Variants in EDIL3 observed in about 807,000 individuals in gnomAD.
The protein encoded by EDIL3 is EGF-like repeat and discoidin I-like domain-containing protein 3.
Under a neutral mutation model 67.4 loss-of-function variants are expected in EDIL3, and 37 were observed. The observed-to-expected ratio is 0.55, with a 90% CI of 0.42 to 0.72. EDIL3 has a LOEUF of 0.72. Among genes scored for constraint, EDIL3 ranks in the 30% least tolerant of loss-of-function variants. The pLI, the probability that EDIL3 is intolerant of heterozygous loss-of-function variation, is 0.00. For synonymous variants in EDIL3, 195 were observed against 196.3 expected, an observed-to-expected ratio of 0.99 and a Z score of 0.05; for missense variants, 527 against 586.3, an observed-to-expected ratio of 0.90 and a Z score of 1.04.
At chr5:84,160,279 G>T (rs1305747213) in intron 4 of EDIL3, among the ~76,000 whole-genome samples, 1 of 152,034 alleles carries the variant, frequency 6.6e-6, no homozygotes, top group Non-Finnish European at 1.5e-5. Context: ...CTTCTCAGGG[G>T]ATTATCTCTT....
chr5:84,330,542 CAG>C (rs1459910562), intron 1 of EDIL3, among the ~76,000 whole-genome samples: 2 of 152,124 alleles, frequency 1.3e-5, no homozygotes, highest in African/African-American at 4.8e-5. Flanking sequence ...TCAGCTTGAG[CAG>C]AGTCAATAAA....
At chr5:84,369,316 GA>G (rs1561270890) in intron 1 of EDIL3, among the ~76,000 whole-genome samples, 1 of 151,298 alleles carries the variant, frequency 6.6e-6, no homozygotes, top group Admixed American at 6.6e-5. Context: ...TACCACAAGG[GA>G]ATAGTATACT....
chr5:83,986,469 G>T (rs762015073), intron 9 of EDIL3, among the ~76,000 whole-genome samples: 8 of 152,078 alleles, frequency 5.3e-5, no homozygotes, highest in Non-Finnish European at 1.2e-4. Context: ...TTTTCCATTT[G>T]AAAATCTTGG....
chr5:84,362,318 T>C (rs1388334311), intron 1 of EDIL3, among the ~76,000 whole-genome samples: 1 of 152,108 alleles, frequency 6.6e-6, no homozygotes, highest in Non-Finnish European at 1.5e-5. Context: ...CAGGGAACTA[T>C]TACACCATGT....
At chr5:84,127,327 C>G (rs1054288593) in intron 5 of EDIL3, among the ~76,000 whole-genome samples, 1 of 152,030 alleles carries the variant, frequency 6.6e-6, no homozygotes, top group African/African-American at 2.4e-5. Flanking sequence ...AAGTTGGATA[C>G]TTTATGTTTC....
intron 1 of EDIL3, among the ~76,000 whole-genome samples, chr5:84,375,271 T>A (rs546407939): frequency 1.6e-4 from 24 of 152,260 alleles, no homozygotes; most frequent in Middle Eastern, 3.4e-3. Context: ...CGCCCAGCCT[T>A]CGAGTATTTC....
At position 84,099,670 on chromosome 5, in the gene EDIL3, C is replaced by A. The variant is rs183657643; in HGVS notation, c.651+6979G>T. Among the ~76,000 whole-genome samples, 32 of 152,170 alleles carry A rather than the reference C, an allele frequency of 2.1e-4. No individual in the cohort carries two copies. In the East Asian group the frequency reaches 6.0e-3, roughly 29 times the overall value. On this transcript the variant is annotated intron_variant, in intron 6 of 10. Coordinates refer to ENST00000296591, the MANE Select transcript of EDIL3 (RefSeq NM_005711.5). ...ATACCATTCAGGACATAGGCATGGG[C>A]AAAGACTTCATGACTAAAACAACAA...
intron 1 of EDIL3, among the ~76,000 whole-genome samples, chr5:84,331,426 G>A (rs1368461713): frequency 1.3e-5 from 2 of 152,120 alleles, no homozygotes; most frequent in South Asian, 2.1e-4. Context: ...GAATCATGGG[G>A]GACATTACCC....
rs535192979 is a variant in EDIL3 at position 84,178,400 on chromosome 5, A to G, written c.355+1993T>C. Among the ~76,000 whole-genome samples, 118 of 152,268 alleles carry G rather than the reference A, an allele frequency of 7.7e-4. 1 individual carries two copies. The highest frequency in any genetic ancestry group is 2.7e-3 in the African/African-American group (111 of 41,564). On this transcript the variant is annotated intron_variant, in intron 4 of 10. Coordinates refer to ENST00000296591, the MANE Select transcript of EDIL3 (RefSeq NM_005711.5). The stretch of plus-strand genomic sequence containing the variant: ...GAAAAACAAACCCAGATACCTAGCA[A>G]TCCTTGCAAGAGTTTAAAGAGCTCT...
intron 3 of EDIL3, among the ~76,000 whole-genome samples, chr5:84,222,190 T>C (rs867914398): frequency 2.0e-5 from 3 of 151,968 alleles, no homozygotes; most frequent in African/African-American, 7.2e-5. Context: ...AAATATCTAA[T>C]TACTCTGTTT....
At chr5:84,346,135 C>CTTTTTTTTTTTTT (rs912729041) in intron 1 of EDIL3, among the ~76,000 whole-genome samples, 2 of 122,894 alleles carry the variant, frequency 1.6e-5, no homozygotes, top group African/African-American at 6.2e-5. Context: ...CTTTTTTTTT[C>CTTTTTTTTTTTTT]TTTTTTTTTT....
At chr5:84,221,576 CG>C (rs1744342927) in intron 3 of EDIL3, among the ~76,000 whole-genome samples, 1 of 151,958 alleles carries the variant, frequency 6.6e-6, no homozygotes, top group Admixed American at 6.6e-5. Flanking sequence ...AAAAAGGAAA[CG>C]TAAGCACTAT....
chr5:84,069,266 C>A (rs1356026605), intron 6 of EDIL3, among the ~76,000 whole-genome samples: 1 of 151,768 alleles, frequency 6.6e-6, no homozygotes, highest in African/African-American at 2.4e-5. Context: ...CAAATGGTAG[C>A]CTCCTACATT....
chr5:84,293,898 T>C (rs1296491851), intron 1 of EDIL3, among the ~76,000 whole-genome samples: 3 of 151,928 alleles, frequency 2.0e-5, no homozygotes, highest in Admixed American at 1.3e-4. Flanking sequence ...ACAAAAGTCT[T>C]AATACATTTA....
At chr5:84,037,985 C>CTTTT (rs1580292622) in intron 9 of EDIL3, among the ~76,000 whole-genome samples, 3 of 99,644 alleles carry the variant, frequency 3.0e-5, no homozygotes, top group African/African-American at 1.6e-4. Flanking sequence ...TTCTTTCTTT[C>CTTTT]TTGTTTTTTT....
chr5:84,134,170 C>T lies in EDIL3; in HGVS notation c.469+3071G>A, dbSNP rs191197195. On this transcript the variant is annotated intron_variant, in intron 5 of 10. Coordinates refer to ENST00000296591, the MANE Select transcript of EDIL3 (RefSeq NM_005711.5). ...CTAAATTAATTAAAGACACACATTACAGTAAATAATTCACAGTTATTTTTG... is the reference window on the plus strand; with the variant it reads ...CTAAATTAATTAAAGACACACATTATAGTAAATAATTCACAGTTATTTTTG... Among the ~76,000 whole-genome samples the T allele has an allele frequency of 2.0e-5, 3 of 152,196 alleles. No individual in the cohort carries two copies. The East Asian group carries it at 5.8e-4, about 29-fold the overall frequency.
At chr5:84,327,861 T>G (rs1298462537) in intron 1 of EDIL3, among the ~76,000 whole-genome samples, 1 of 152,028 alleles carries the variant, frequency 6.6e-6, no homozygotes, top group Non-Finnish European at 1.5e-5. Context: ...CTGGTGAGAC[T>G]AAGAAAGCCA....
chr5:84,090,304 C>T lies in EDIL3; in HGVS notation c.651+16345G>A, dbSNP rs148922340. On this transcript the variant is annotated intron_variant, in intron 6 of 10. Coordinates refer to ENST00000296591, the MANE Select transcript of EDIL3 (RefSeq NM_005711.5). ...ATCCATTGCTTTAAAATGTTTCACA[C>T]TGATGTCTCATTTTGAAGAGCAATA... Among the ~76,000 whole-genome samples the T allele has an allele frequency of 3.3e-3, 496 of 152,322 alleles. 4 individuals are homozygous for T. The highest frequency in any genetic ancestry group is 0.011 in the African/African-American group (464 of 41,580).
intron 4 of EDIL3, among the ~76,000 whole-genome samples, chr5:84,151,345 T>C (rs1041711127): frequency 5.3e-5 from 8 of 151,578 alleles, no homozygotes; most frequent in African/African-American, 1.9e-4. Context: ...TGAGGAACAT[T>C]AGCCTTCTCA....
Sources: gnomAD v4.1 joint callset for allele counts (sites outside exome capture counted in the v4.1 genomes callset) on GRCh38, gnomAD v4.1.1 for gene constraint, MANE v1.5 for transcripts, NCBI Gene and HGNC (gene_info 2026-07-23, HGNC 2026-07-21) for gene names.